LRP1B: variants seen among roughly 807,000 people sequenced by gnomAD.
LRP1B encodes the protein LDL receptor related protein 1B.
Under a neutral mutation model 556.6 loss-of-function variants are expected in LRP1B, and 217 were observed. That is an observed-to-expected ratio of 0.39 (90% CI 0.35 to 0.44). LRP1B has a LOEUF of 0.44. Among genes scored for constraint, LRP1B ranks in the 20% least tolerant of loss-of-function variants. The pLI is 1.00. For missense variants in LRP1B, 5,053 were observed against 5,620.8 expected (o/e 0.90, Z 3.23); for synonymous variants, 2,047 against 1,865.8 (o/e 1.10, Z -2.50).
chr2:141,909,962 G>A (rs1338507275), intron 1 of LRP1B, among the ~76,000 whole-genome samples: 2 of 151,836 alleles, frequency 1.3e-5, no homozygotes, highest in African/African-American at 2.4e-5. Context: ...TTTCCATCTA[G>A]GGATTAATGT....
chr2:141,588,281 G>A (rs1687212838), intron 2 of LRP1B, among the ~76,000 whole-genome samples: 1 of 151,808 alleles, frequency 6.6e-6, no homozygotes, highest in Non-Finnish European at 1.5e-5. Flanking sequence ...TGGCTCCTTG[G>A]CAGAGGTAGT....
chr2:141,151,763 G>T (rs1701932669), intron 7 of LRP1B, among the ~76,000 whole-genome samples: 1 of 152,036 alleles, frequency 6.6e-6, no homozygotes, highest in African/African-American at 2.4e-5. Flanking sequence ...TCTAGACTCA[G>T]CATTTCTGTA....
intron 41 of LRP1B, among the ~76,000 whole-genome samples, chr2:140,694,114 C>A (rs1686342241): frequency 6.6e-6 from 1 of 152,148 alleles, no homozygotes; most frequent in African/African-American, 2.4e-5. Context: ...TAAAACAAAA[C>A]ATCAGAATGC....
intron 2 of LRP1B, among the ~76,000 whole-genome samples, chr2:141,533,564 G>C (rs1451694074): frequency 6.6e-6 from 1 of 152,140 alleles, no homozygotes; most frequent in African/African-American, 2.4e-5. Context: ...CCATAGATAA[G>C]TTTACTCTCA....
intron 1 of LRP1B, among the ~76,000 whole-genome samples, chr2:142,116,897 CA>C (rs1239688462): frequency 6.6e-6 from 1 of 152,096 alleles, no homozygotes; most frequent in African/African-American, 2.4e-5. Context: ...AGATAAAATA[CA>C]AACCTAAATG....
At chr2:140,628,335 C>G (rs1232487135) in intron 41 of LRP1B, among the ~76,000 whole-genome samples, 1 of 152,018 alleles carries the variant, frequency 6.6e-6, no homozygotes, top group African/African-American at 2.4e-5. Context: ...TCAAGACCAT[C>G]CTGGCTAACA....
chr2:140,239,475 A>G lies in LRP1B; in HGVS notation c.13382T>C (p.Val4461Ala). The G allele has an allele frequency of 6.2e-7, 1 of 1,604,442 alleles. No individual in the cohort carries two copies. The highest frequency in any genetic ancestry group is 1.7e-4 in the Middle Eastern group (1 of 5,996). ...VLLVTLITTL[V>A]IGLVLCKRKR... The stretch of plus-strand genomic sequence containing the variant: ...TCTTTTACAAAGCACTAAACCAATT[A>G]CTAAGGTGGTTATCAAAGTCACCAA... Residue 4461 changes from valine to alanine, a missense_variant, in exon 88 of 91, where the codon GTA becomes GCA. Coordinates refer to ENST00000389484, the MANE Select transcript of LRP1B (RefSeq NM_018557.3).
rs556540006 is a variant in LRP1B at position 141,840,827 on chromosome 2, A to T, written c.83-30426T>A. Among the ~76,000 whole-genome samples the T allele has an allele frequency of 3.9e-4, 60 of 152,276 alleles. No homozygotes were observed. The South Asian group carries it at 0.011, about 27-fold the overall frequency. ...ATGTTTCAGAATAATTGTTATACCC[A>T]GTCACTACTACAATCCAAATATGGA... On this transcript the variant is annotated intron_variant, in intron 1 of 90. Transcript: ENST00000389484.
intron 4 of LRP1B, among the ~76,000 whole-genome samples, chr2:141,251,752 A>C (rs945138711): frequency 6.6e-6 from 1 of 152,104 alleles, no homozygotes; most frequent in Non-Finnish European, 1.5e-5. Flanking sequence ...GAGAAAGAGT[A>C]ATTTGAGGAA....
Position 140,722,738 on chromosome 2 carries a change from A to G in LRP1B, c.5759-5922T>C, listed in dbSNP as rs1475342599. Among the ~76,000 whole-genome samples, 3 of 152,326 alleles carry G rather than the reference A, an allele frequency of 2.0e-5. No homozygotes were observed. In the East Asian group the frequency reaches 5.8e-4, roughly 29 times the overall value. ...GTAAAATTAGTAATAAAAGCAAGATAAACTATTATTAAATAGTAAAGGGGA... is the reference window on the plus strand; with the variant it reads ...GTAAAATTAGTAATAAAAGCAAGATGAACTATTATTAAATAGTAAAGGGGA... On this transcript the variant is annotated intron_variant, in intron 35 of 90. Coordinates refer to ENST00000389484, the MANE Select transcript of LRP1B (RefSeq NM_018557.3).
intron 2 of LRP1B, among the ~76,000 whole-genome samples, chr2:141,731,043 T>C (rs1193880633): frequency 6.6e-6 from 1 of 152,164 alleles, no homozygotes; most frequent in East Asian, 1.9e-4. Flanking sequence ...GGGAGAAATG[T>C]GGTTGGGAAC....
chr2:141,555,769 G>T (rs1211440766), intron 2 of LRP1B, among the ~76,000 whole-genome samples: 1 of 151,682 alleles, frequency 6.6e-6, no homozygotes, highest in Non-Finnish European at 1.5e-5. Flanking sequence ...TGAGTGTAGA[G>T]CACTGTATTT....
At chr2:141,778,179 C>T (rs962883730) in intron 2 of LRP1B, among the ~76,000 whole-genome samples, 29 of 152,082 alleles carry the variant, frequency 1.9e-4, no homozygotes, top group African/African-American at 7.0e-4. Context: ...TCTAAAGAGA[C>T]TATTAGGCAG....
Position 140,536,499 on chromosome 2 carries a change from C to T in LRP1B, c.7642+82G>A, listed in dbSNP as rs368739084. 46 of 1,347,476 alleles carry T rather than the reference C, an allele frequency of 3.4e-5. No homozygotes were observed. In the South Asian group the frequency reaches 4.1e-4, roughly 12 times the overall value. 83.5% of individuals were successfully genotyped at this position (1,347,476 alleles called of 1,614,324 possible). A position where few individuals can be genotyped will look rare whatever the true frequency, so the allele number is the denominator to read the frequency against. On this transcript the variant is annotated intron_variant, in intron 46 of 90. Coordinates refer to ENST00000389484, the MANE Select transcript of LRP1B (RefSeq NM_018557.3). Reference sequence around the variant, plus strand: ...ACATTAAATAAATTATCCACGTAAACCACACCGAGACAAGCAAACCAAAAA... The same window carrying T: ...ACATTAAATAAATTATCCACGTAAATCACACCGAGACAAGCAAACCAAAAA...
intron 3 of LRP1B, among the ~76,000 whole-genome samples, chr2:141,395,048 T>C (rs6718932): frequency 0.011 from 1,685 of 152,242 alleles, 36 homozygotes; most frequent in African/African-American, 0.038. Flanking sequence ...TGTGGTCCCA[T>C]GAGATTATAA....
intron 1 of LRP1B, among the ~76,000 whole-genome samples, chr2:142,092,026 G>A (rs1706192039): frequency 6.6e-6 from 1 of 152,166 alleles, no homozygotes; most frequent in Admixed American, 6.5e-5. Flanking sequence ...AAAACAAGAG[G>A]ACGAACACTC....
At chr2:141,059,534 G>A (rs1699279883) in intron 8 of LRP1B, among the ~76,000 whole-genome samples, 1 of 151,650 alleles carries the variant, frequency 6.6e-6, no homozygotes, top group South Asian at 2.1e-4. Context: ...CAACTTTTTG[G>A]TCCCAATCTA....
chr2:141,269,834 GCAGA>G (rs1263901172), intron 3 of LRP1B, among the ~76,000 whole-genome samples: 2 of 152,064 alleles, frequency 1.3e-5, no homozygotes, highest in South Asian at 2.1e-4. Flanking sequence ...GTTGAAATTA[GCAGA>G]CAAAGACTTC....
intron 2 of LRP1B, among the ~76,000 whole-genome samples, chr2:141,739,024 C>T (rs1038218864): frequency 6.6e-6 from 1 of 152,000 alleles, no homozygotes; most frequent in African/African-American, 2.4e-5. Context: ...TCACATAAAG[C>T]AGGAATGTAA....
Sources: allele counts gnomAD v4.1 joint callset (sites outside exome capture counted in the v4.1 genomes callset), GRCh38; gene constraint gnomAD v4.1.1; transcripts MANE v1.5; gene names NCBI Gene and HGNC (gene_info 2026-07-23, HGNC 2026-07-21).